The following KIAA1549L variants were observed in gnomAD, a reference collection of about 807,000 sequenced individuals.
The protein encoded by KIAA1549L is UPF0606 protein KIAA1549L.
In KIAA1549L, 88 loss-of-function variants were observed where a neutral mutation model predicts 160.7. The ratio of observed to expected loss-of-function variants is 0.55; its 90% confidence interval spans 0.46 to 0.65. KIAA1549L has a LOEUF of 0.65. Among genes scored for constraint, KIAA1549L ranks in the 30% least tolerant of loss-of-function variants. The pLI, the probability that KIAA1549L is intolerant of heterozygous loss-of-function variation, is 0.00. For missense variants in KIAA1549L, 2,258 were observed against 2,437.5 expected, an observed-to-expected ratio of 0.93 and a Z score of 1.55; for synonymous variants, 950 against 976.7, an observed-to-expected ratio of 0.97 and a Z score of 0.51.
chr11:33,453,165 GA>G (rs1851755346), intron 1 of KIAA1549L, among the ~76,000 whole-genome samples: 1 of 152,214 alleles, frequency 6.6e-6, no homozygotes, highest in South Asian at 2.1e-4. Context: ...GATGGATGAA[GA>G]AAACAAGACA....
At chr11:33,599,004 C>T in intron 13 of KIAA1549L, 57 bp downstream of exon 13, 2 of 1,585,060 alleles carry the variant, frequency 1.3e-6, no homozygotes. Context: ...TGCCCGCACA[C>T]ACATGCGTGC....
intron 1 of KIAA1549L, among the ~76,000 whole-genome samples, chr11:33,476,743 C>G (rs930436041): frequency 6.6e-6 from 1 of 152,198 alleles, no homozygotes; most frequent in Admixed American, 6.5e-5. Context: ...GCTCAGTTGT[C>G]CCCTTAGAGG....
intron 1 of KIAA1549L, among the ~76,000 whole-genome samples, chr11:33,422,164 C>T (rs1441050689): frequency 2.0e-5 from 3 of 151,768 alleles, no homozygotes; most frequent in Admixed American, 6.6e-5. Context: ...ATCCAAGATC[C>T]GGGTATACCT....
chr11:33,507,198 T>G (rs1853112151), intron 1 of KIAA1549L, among the ~76,000 whole-genome samples: 1 of 152,118 alleles, frequency 6.6e-6, no homozygotes, highest in African/African-American at 2.4e-5. Flanking sequence ...CTTGCTGAGG[T>G]CAGAGTCAGC....
rs1852591348 is a variant in KIAA1549L at position 33,669,220 on chromosome 11, G to A, written c.*1066G>A. The stretch of plus-strand genomic sequence containing the variant: ...AAAAGCTGTTGAATTTCATTTAAAT[G>A]TAAATAACCTTTTAAAAAGCGTATG... On this transcript the variant is annotated 3_prime_UTR_variant, in exon 21 of 21. Transcript: ENST00000658780. 6.6e-6 allele frequency: 1 copy of A among 152,196 alleles called. No homozygotes were observed. The highest frequency in any genetic ancestry group is 1.5e-5 in the Non-Finnish European group (1 of 68,044). The allele number at this position is 152,196 out of a possible 1,614,324, so 9.4% of individuals were successfully genotyped here.
intron 16 of KIAA1549L, among the ~76,000 whole-genome samples, chr11:33,634,119 T>C (rs61888349): frequency 4.9e-5 from 5 of 101,442 alleles, no homozygotes; most frequent in Non-Finnish European, 1.1e-4. Context: ...CTCAGCTCAC[T>C]GCAACTTCTG....
At chr11:33,553,167 T>A (rs1008774549) in intron 6 of KIAA1549L, among the ~76,000 whole-genome samples, 1 of 152,146 alleles carries the variant, frequency 6.6e-6, no homozygotes, top group Admixed American at 6.5e-5. Flanking sequence ...CTTTTAAAAA[T>A]TTTTTAATTA....
At chr11:33,420,091 T>C (rs1045173773) in intron 1 of KIAA1549L, among the ~76,000 whole-genome samples, 1 of 152,168 alleles carries the variant, frequency 6.6e-6, no homozygotes, top group African/African-American at 2.4e-5. Context: ...GTATATCATC[T>C]GACACTATTT....
intron 13 of KIAA1549L, among the ~76,000 whole-genome samples, chr11:33,603,386 T>C (rs1240078404): frequency 1.3e-5 from 2 of 151,998 alleles, no homozygotes; most frequent in African/African-American, 2.4e-5. Context: ...AGGAAAGTCA[T>C]TTTTAAGCTG....
At chr11:33,530,436 A>AATATAT (rs869093534) in intron 1 of KIAA1549L, among the ~76,000 whole-genome samples, 125 of 11,582 alleles carry the variant, frequency 0.011, no homozygotes, top group Non-Finnish European at 0.013. Flanking sequence ...AAAAAAAAAA[A>AATATAT]ATATATATAT....
chr11:33,440,844 A>G lies in KIAA1549L; in HGVS notation c.238+63955A>G, dbSNP rs142502762. ...TTGGATAGTGGATCCATTTTGCATAAATGTTTTAATATCACCCTTGTCCTG... is the reference window on the plus strand; with the variant it reads ...TTGGATAGTGGATCCATTTTGCATAGATGTTTTAATATCACCCTTGTCCTG... On this transcript the variant is annotated intron_variant, in intron 1 of 20. Transcript: ENST00000658780. Among the ~76,000 whole-genome samples the G allele has an allele frequency of 3.9e-3, 588 of 152,196 alleles. 6 individuals are homozygous for G. Among genetic ancestry groups the G allele is most frequent in the African/African-American group, 0.013 (550 of 41,510 alleles).
intron 1 of KIAA1549L, among the ~76,000 whole-genome samples, chr11:33,453,089 C>G (rs535725010): frequency 6.6e-6 from 1 of 152,346 alleles, no homozygotes; most frequent in South Asian, 2.1e-4. Context: ...TGTGCATTCT[C>G]TGAGTGACTG....
chr11:33,525,593 G>A (rs1004356615), intron 1 of KIAA1549L, among the ~76,000 whole-genome samples: 4 of 151,834 alleles, frequency 2.6e-5, no homozygotes, highest in Non-Finnish European at 5.9e-5. Flanking sequence ...GGTCGGGGTC[G>A]GGGGGTGGGG....
At chr11:33,641,347 C>T (rs921312246) in intron 16 of KIAA1549L, among the ~76,000 whole-genome samples, 83 of 152,050 alleles carry the variant, frequency 5.5e-4, no homozygotes, top group African/African-American at 1.9e-3. Context: ...AGACAGATAA[C>T]AGCAACAATA....
intron 1 of KIAA1549L, among the ~76,000 whole-genome samples, chr11:33,386,299 T>C (rs1307432920): frequency 6.6e-6 from 1 of 152,234 alleles, no homozygotes; most frequent in African/African-American, 2.4e-5. Flanking sequence ...TGACTGGTTA[T>C]CAGATTTTGG....
intron 10 of KIAA1549L, among the ~76,000 whole-genome samples, chr11:33,579,412 C>T (rs1169486329): frequency 6.6e-6 from 1 of 152,224 alleles, no homozygotes; most frequent in Non-Finnish European, 1.5e-5. Flanking sequence ...CTAACAATGC[C>T]TCTCCTCTCC....
Position 33,486,752 on chromosome 11 carries a change from A to G in KIAA1549L, c.239-55050A>G, listed in dbSNP as rs77742465. Among the ~76,000 whole-genome samples the G allele has an allele frequency of 9.0e-3, 1,364 of 152,294 alleles. 58 individuals carry two copies. The highest frequency in any genetic ancestry group is 0.088 in the East Asian group (455 of 5,188). ...AATGTCAAGGTCTTTCCAGATTAAAAAAAAAATCTATGAATAACTCAACCA... is the reference window on the plus strand; with the variant it reads ...AATGTCAAGGTCTTTCCAGATTAAAGAAAAAATCTATGAATAACTCAACCA... On this transcript the variant is annotated intron_variant, in intron 1 of 20. Transcript: ENST00000658780.
chr11:33,493,797 A>G (rs189863995), intron 1 of KIAA1549L, among the ~76,000 whole-genome samples: 5 of 152,336 alleles, frequency 3.3e-5, no homozygotes, highest in Admixed American at 6.5e-5. Context: ...GCCAAGGGGC[A>G]GACTTGGGAA....
At chr11:33,470,468 C>A (rs1054153956) in intron 1 of KIAA1549L, among the ~76,000 whole-genome samples, 1 of 151,804 alleles carries the variant, frequency 6.6e-6, no homozygotes. Context: ...TTTTTTCAGA[C>A]AGGGTCTCAC....
Sources: gnomAD v4.1 joint callset for allele counts (sites outside exome capture counted in the v4.1 genomes callset) on GRCh38, gnomAD v4.1.1 for gene constraint, MANE v1.5 for transcripts, NCBI Gene and HGNC (gene_info 2026-07-23, HGNC 2026-07-21) for gene names.